KCNQ1: variants seen among roughly 807,000 people sequenced by gnomAD.
KCNQ1 encodes the protein potassium voltage-gated channel subfamily KQT member 1.
Under a neutral mutation model 72.4 loss-of-function variants are expected in KCNQ1, and 49 were observed. The ratio of observed to expected loss-of-function variants is 0.68; its 90% CI spans 0.54 to 0.86. The LOEUF (loss-of-function observed/expected upper bound fraction) is 0.86. KCNQ1 is among the 40% of genes least tolerant of loss of function. The pLI is 0.00. For missense variants in KCNQ1, 790 were observed against 945.1 expected (o/e 0.84, Z 2.15); for synonymous variants, 450 against 412.6 (o/e 1.09, Z -1.10).
rs765027357 is a variant in KCNQ1 at position 2,653,369 on chromosome 11, A to G, written c.1394-8592A>G. ...CTCACACCTCACCCCCAACTTTGTC[A>G]TGCACATTCCTGAAGACTCTCTTGG... is the stretch of plus-strand genomic sequence containing the variant. On this transcript the variant is annotated intron_variant, in intron 10 of 15. Coordinates refer to ENST00000155840, the MANE Select transcript of KCNQ1 (RefSeq NM_000218.3). This position sits in a 1 kb window ranked among gnomAD's most constrained non-coding sequence, Gnocchi z 5.3. 2 of 398,740 alleles carry G rather than the reference A, an allele frequency of 5.0e-6. No individual in the cohort carries two copies. Among genetic ancestry groups the G allele is most frequent in the Admixed American group, 4.4e-5 (1 of 22,740 alleles). The allele number at this position is 398,740 out of a possible 1,614,324, so 24.7% of individuals were successfully genotyped here.
rs1847525310 is a variant in KCNQ1, at chr11:2,813,036, C to T, written c.1795-34731C>T. 6.6e-6 allele frequency among the ~76,000 whole-genome samples: 1 copy of T among 152,260 alleles called. No individual in the cohort carries two copies. Among genetic ancestry groups the T allele is most frequent in the Non-Finnish European group, 1.5e-5 (1 of 68,042 alleles). ...CCTGTGCCTGGAGGCTGTGGCCTGG[C>T]TCTCCAGCTGGAACAGAAGCTCTGA... On this transcript the variant is annotated intron_variant, in intron 15 of 15. Transcript: ENST00000155840. The surrounding 1 kb of genome is among the most constrained non-coding windows in gnomAD (Gnocchi z 4.4).
At chr11:2,797,966 G>A (rs942066361) in intron 15 of KCNQ1, among the ~76,000 whole-genome samples, 2 of 152,230 alleles carry the variant, frequency 1.3e-5, no homozygotes, top group Admixed American at 6.5e-5. Context: ...AGGGCACCGC[G>A]GTGGGCAGAT....
rs528322487 is a variant in KCNQ1 at position 2,550,371 on chromosome 11, G to T, written c.478-20257G>T. 1.8e-4 allele frequency among the ~76,000 whole-genome samples: 27 copies of T among 152,296 alleles called. No individual in the cohort carries two copies. In the South Asian group the frequency reaches 2.5e-3, roughly 14 times the overall value. On this transcript the variant is annotated intron_variant, in intron 2 of 15. Transcript: ENST00000155840. This position sits in a 1 kb window ranked among gnomAD's most constrained non-coding sequence, Gnocchi z 6.0. ...ACACCCCCTGCTAGGGTCCCTCTGG[G>T]GGTTGAATGAAAAGGCATAGGTAGA...
chr11:2,670,464 C>T lies in KCNQ1; in HGVS notation c.1514+8383C>T. On this transcript the variant is annotated intron_variant, in intron 11 of 15. Coordinates refer to ENST00000155840, the MANE Select transcript of KCNQ1 (RefSeq NM_000218.3). The surrounding 1 kb of genome is among the most constrained non-coding windows in gnomAD (Gnocchi z 4.9). ...TTGGCTGAGACACACAGCCCACATCCTTGGTAGGTCCCTCAGAGAGCATCT... is the reference window on the plus strand; with the variant it reads ...TTGGCTGAGACACACAGCCCACATCTTTGGTAGGTCCCTCAGAGAGCATCT... 1 of 397,650 alleles carries T rather than the reference C, an allele frequency of 2.5e-6. No homozygotes were observed. The highest frequency in any genetic ancestry group is 3.6e-5 in the East Asian group (1 of 28,050). The allele number at this position is 397,650 out of a possible 1,614,324, so 24.6% of individuals were successfully genotyped here. A position where few individuals can be genotyped will look rare whatever the true frequency, so the allele number is the denominator to read the frequency against.
intron 15 of KCNQ1, among the ~76,000 whole-genome samples, chr11:2,804,013 G>C (rs1590100155): frequency 6.6e-6 from 1 of 152,182 alleles, no homozygotes; most frequent in East Asian, 1.9e-4. Flanking sequence ...GGAGTCGAAG[G>C]CAGAGGGGAA....
intron 10 of KCNQ1, chr11:2,644,040 C>G (rs984989363): frequency 2.0e-5 from 8 of 398,340 alleles, no homozygotes; most frequent in African/African-American, 1.4e-4. Context: ...CTCTCTTTGT[C>G]TTGGGATGGG....
rs1023460648 is a variant in KCNQ1, at chr11:2,473,032, G to C, written c.386+27548G>C. On this transcript the variant is annotated intron_variant, in intron 1 of 15. Transcript: ENST00000155840. The surrounding 1 kb of genome is among the most constrained non-coding windows in gnomAD (Gnocchi z 6.0). ...AAGGCCTCTGTCATTGGAGGAGACT[G>C]TCCCATGTCCCTCCAGATCATGTCC... is the stretch of plus-strand genomic sequence containing the variant. Among the ~76,000 whole-genome samples, 2 of 152,066 alleles carry C rather than the reference G, an allele frequency of 1.3e-5. No individual in the cohort carries two copies. The highest frequency in any genetic ancestry group is 2.9e-5 in the Non-Finnish European group (2 of 68,014).
chr11:2,636,579 C>T lies in KCNQ1; in HGVS notation c.1394-25382C>T, dbSNP rs868214577. 161 of 152,112 alleles carry T rather than the reference C, an allele frequency of 1.1e-3. 1 individual carries two copies. Among genetic ancestry groups the T allele is most frequent in the Middle Eastern group, 3.4e-3 (1 of 292 alleles). The allele number at this position is 152,112 out of a possible 1,614,324, so 9.4% of individuals were successfully genotyped here. ...AAGCTTTTTGATGTGCTGCTGGATTCGGTTTGCCAGTATTTTATTGAGGAT... is the reference window on the plus strand; with the variant it reads ...AAGCTTTTTGATGTGCTGCTGGATTTGGTTTGCCAGTATTTTATTGAGGAT... On this transcript the variant is annotated intron_variant, in intron 10 of 15. Transcript: ENST00000155840.
At chr11:2,792,120 C>G (rs530824791) in intron 15 of KCNQ1, among the ~76,000 whole-genome samples, 1 of 152,188 alleles carries the variant, frequency 6.6e-6, no homozygotes, top group Non-Finnish European at 1.5e-5. Flanking sequence ...CTTCCCGGGT[C>G]CCTCCGCCAC....
At chr11:2,716,081 C>T (rs557255423) in intron 11 of KCNQ1, among the ~76,000 whole-genome samples, 4 of 152,328 alleles carry the variant, frequency 2.6e-5, no homozygotes, top group South Asian at 2.1e-4. Context: ...CTGACCCCAC[C>T]GCCGGGGTCG....
At chr11:2,452,789 A>G (rs781763010) in intron 1 of KCNQ1, among the ~76,000 whole-genome samples, 2 of 152,226 alleles carry the variant, frequency 1.3e-5, no homozygotes, top group African/African-American at 2.4e-5. Context: ...TAAAAACCGC[A>G]TGTAACTCCA....
chr11:2,636,644 C>A (rs1589995913), intron 10 of KCNQ1: 1 of 152,028 alleles, frequency 6.6e-6, no homozygotes, highest in South Asian at 2.1e-4. Flanking sequence ...GTCTAAAATT[C>A]TCTTTTTTTG....
intron 14 of KCNQ1, among the ~76,000 whole-genome samples, chr11:2,777,350 G>A (rs201731264): frequency 3.3e-5 from 5 of 149,460 alleles, no homozygotes; most frequent in Non-Finnish European, 7.4e-5. Context: ...ATCCTGGGGT[G>A]GGGTTTGGGT....
At position 2,531,610 on chromosome 11, in the gene KCNQ1, A is replaced by C. The variant is rs138228501; in HGVS notation, c.477+3592A>C. 4.0e-3 allele frequency among the ~76,000 whole-genome samples: 608 copies of C among 152,278 alleles called. 6 individuals are homozygous for C. The highest frequency in any genetic ancestry group is 0.014 in the African/African-American group (577 of 41,546). ...TGGCCACAAACCCCTGGTCAGCAGGAACCGGCCCTTTCACTGCCCTGCAGC... is the reference window on the plus strand; with the variant it reads ...TGGCCACAAACCCCTGGTCAGCAGGCACCGGCCCTTTCACTGCCCTGCAGC... On this transcript the variant is annotated intron_variant, in intron 2 of 15. Coordinates refer to ENST00000155840, the MANE Select transcript of KCNQ1 (RefSeq NM_000218.3).
At chr11:2,736,148 G>A (rs1845952387) in intron 11 of KCNQ1, among the ~76,000 whole-genome samples, 1 of 152,146 alleles carries the variant, frequency 6.6e-6, no homozygotes, top group Non-Finnish European at 1.5e-5. Context: ...ACCTGGGAAG[G>A]GGCCCAGGCT....
At chr11:2,718,062 C>G (rs1038361183) in intron 11 of KCNQ1, among the ~76,000 whole-genome samples, 8 of 151,844 alleles carry the variant, frequency 5.3e-5, no homozygotes, top group Non-Finnish European at 1.2e-4. Flanking sequence ...TGTTCAATGT[C>G]TGTGGAGCTG....
At chr11:2,641,707 C>T in intron 10 of KCNQ1, 1 of 398,344 alleles carries the variant, frequency 2.5e-6, no homozygotes, top group East Asian at 3.6e-5. Context: ...AAATCTTTCC[C>T]TAGACCAATG....
chr11:2,688,317 T>TCA (rs1336320032), intron 11 of KCNQ1: 1 of 398,754 alleles, frequency 2.5e-6, no homozygotes, highest in Non-Finnish European at 4.4e-6. Flanking sequence ...TCTAAGCACG[T>TCA]CACACACACA....
At chr11:2,514,171 C>T (rs544377660) in intron 1 of KCNQ1, among the ~76,000 whole-genome samples, 5 of 152,212 alleles carry the variant, frequency 3.3e-5, no homozygotes, top group Non-Finnish European at 4.4e-5. Flanking sequence ...ACCTCGCTGG[C>T]GGCCATGGAG....
Sources: allele counts gnomAD v4.1 joint callset (sites outside exome capture counted in the v4.1 genomes callset), GRCh38; gene constraint gnomAD v4.1.1; non-coding constraint Gnocchi (gnomAD v3.1); transcripts MANE v1.5; gene names NCBI Gene and HGNC (gene_info 2026-07-23, HGNC 2026-07-21).